FMNL2: variants seen among roughly 807,000 people sequenced by gnomAD.
FMNL2 encodes the protein formin-like protein 2.
A neutral mutation model predicts 130.2 loss-of-function variants in FMNL2; 51 were observed. The observed-to-expected ratio is 0.39, with a 90% CI of 0.31 to 0.49. The LOEUF (loss-of-function observed/expected upper bound fraction) is 0.49, where lower values mean the gene tolerates loss of function less well. Among genes scored for constraint, FMNL2 ranks in the 20% least tolerant of loss-of-function variants. FMNL2 has a pLI of 0.85. For synonymous variants in FMNL2, 465 were observed against 467.1 expected (o/e 1.00, Z 0.06); for missense variants, 977 against 1,316.2 (o/e 0.74, Z 3.99).
intron 9 of FMNL2, among the ~76,000 whole-genome samples, chr2:152,582,448 A>G (rs1047671555): frequency 2.0e-5 from 3 of 152,146 alleles, no homozygotes; most frequent in African/African-American, 7.2e-5. Context: ...AGATTTTGAT[A>G]TTATCCATTT....
intron 9 of FMNL2, among the ~76,000 whole-genome samples, chr2:152,591,063 G>T (rs969545625): frequency 9.8e-5 from 13 of 131,998 alleles, no homozygotes; most frequent in African/African-American, 3.8e-4. Flanking sequence ...AGGCTGGGGT[G>T]CAGTGGCGCG....
intron 1 of FMNL2, among the ~76,000 whole-genome samples, chr2:152,450,793 A>T (rs139322431): frequency 2.0e-5 from 3 of 152,270 alleles, no homozygotes; most frequent in African/African-American, 7.2e-5. Context: ...AAAAGCTCAT[A>T]GCCTCTTACC....
chr2:152,402,725 G>A (rs1336287868), intron 1 of FMNL2, among the ~76,000 whole-genome samples: 3 of 152,072 alleles, frequency 2.0e-5, no homozygotes, highest in African/African-American at 4.8e-5. Context: ...GGAAAAATGA[G>A]GCTATAATAC....
rs1375190658 is a variant in FMNL2, at chr2:152,592,192, T to C, written c.876+11143T>C. 1.1e-4 allele frequency among the ~76,000 whole-genome samples: 16 copies of C among 152,348 alleles called. No homozygotes were observed. In the South Asian group the frequency reaches 3.1e-3, roughly 30 times the overall value. On this transcript the variant is annotated intron_variant, in intron 9 of 25. Coordinates refer to ENST00000288670, the MANE Select transcript of FMNL2 (RefSeq NM_052905.4). ...AGGACTGACTTTAATAGGTATTTAG[T>C]TGAGGACCAAATATACACTAAGGTC... is the stretch of plus-strand genomic sequence containing the variant.
intron 4 of FMNL2, among the ~76,000 whole-genome samples, chr2:152,556,042 T>A (rs1380323183): frequency 2.6e-5 from 4 of 152,222 alleles, no homozygotes; most frequent in Non-Finnish European, 4.4e-5. Context: ...TTCCTTACTC[T>A]TATATTTCTG....
intron 1 of FMNL2, among the ~76,000 whole-genome samples, chr2:152,342,302 C>T (rs2105735155): frequency 6.6e-6 from 1 of 152,296 alleles, no homozygotes; most frequent in East Asian, 1.9e-4. Flanking sequence ...AGATGATTGC[C>T]CCTCCTTTGC....
In FMNL2 at chr2:152,542,843, T is replaced by G. The variant is rs1553473970; in HGVS notation, c.282+24T>G. 6 of 1,610,030 alleles carry G rather than the reference T, an allele frequency of 3.7e-6. No individual in the cohort carries two copies. The Admixed American group carries it at 8.3e-5, about 22-fold the overall frequency. The stretch of plus-strand genomic sequence containing the variant: ...AGGTAAGATGGATTTGTTTCCACTC[T>G]TTGTTATTGCTTCCTTATTAGCGAG... On this transcript the variant is annotated intron_variant, in intron 3 of 25. Transcript: ENST00000288670.
intron 1 of FMNL2, among the ~76,000 whole-genome samples, chr2:152,453,121 G>A (rs1688738945): frequency 6.7e-6 from 1 of 150,302 alleles, no homozygotes; most frequent in Admixed American, 6.6e-5. Flanking sequence ...AGAATCACTT[G>A]AACCCTGGAG....
Position 152,649,808 on chromosome 2 carries a change from T to C in FMNL2, c.*1903T>C, listed in dbSNP as rs1487987841. ...CTTTTCATGGCATATGAGCAAATAA[T>C]AAACTATTTACACTACTATTCTGTA... On this transcript the variant is annotated 3_prime_UTR_variant, in exon 26 of 26. Coordinates refer to ENST00000288670, the MANE Select transcript of FMNL2 (RefSeq NM_052905.4). The C allele has an allele frequency of 1.3e-5, 2 of 152,676 alleles. No homozygotes were observed. Among genetic ancestry groups the C allele is most frequent in the African/African-American group, 4.8e-5 (2 of 41,462 alleles). 9.5% of individuals were successfully genotyped at this position (152,676 alleles called of 1,614,324 possible).
intron 1 of FMNL2, among the ~76,000 whole-genome samples, chr2:152,464,145 C>T (rs184747894): frequency 1.3e-5 from 2 of 152,204 alleles, no homozygotes; most frequent in Admixed American, 1.3e-4. Context: ...GGTTTCACCA[C>T]GTTGACCAAT....
At chr2:152,573,444 C>A (rs1696293905) in intron 6 of FMNL2, among the ~76,000 whole-genome samples, 1 of 152,178 alleles carries the variant, frequency 6.6e-6, no homozygotes, top group African/African-American at 2.4e-5. Context: ...TGGAAAGTGA[C>A]TGTCCTAAAT....
intron 1 of FMNL2, among the ~76,000 whole-genome samples, chr2:152,497,466 G>T (rs1003833548): frequency 2.1e-4 from 32 of 151,900 alleles, no homozygotes; most frequent in Admixed American, 2.1e-3. Context: ...TTATTTTTAG[G>T]TGATGTCAAA....
At chr2:152,506,157 T>C (rs1420933714) in intron 1 of FMNL2, among the ~76,000 whole-genome samples, 1 of 152,212 alleles carries the variant, frequency 6.6e-6, no homozygotes, top group African/African-American at 2.4e-5. Flanking sequence ...ATGATAAAAA[T>C]TTCTTTAGTT....
At chr2:152,402,190 C>T (rs1351869223) in intron 1 of FMNL2, among the ~76,000 whole-genome samples, 7 of 152,176 alleles carry the variant, frequency 4.6e-5, no homozygotes, top group African/African-American at 1.7e-4. Flanking sequence ...GCGTGAGCCA[C>T]TACGCCCGGC....
intron 12 of FMNL2, among the ~76,000 whole-genome samples, chr2:152,615,639 G>C (rs1698908689): frequency 6.6e-6 from 1 of 152,098 alleles, no homozygotes; most frequent in South Asian, 2.1e-4. Context: ...AGGGCCTTTA[G>C]AGATTATTTG....
chr2:152,344,972 A>T (rs866518618), intron 1 of FMNL2, among the ~76,000 whole-genome samples: 22 of 152,128 alleles, frequency 1.4e-4, no homozygotes, highest in African/African-American at 5.3e-4. Flanking sequence ...TCAATGCAAG[A>T]CTCTAGTTAT....
chr2:152,557,651 A>T (rs1332892659), intron 4 of FMNL2, among the ~76,000 whole-genome samples: 1 of 152,262 alleles, frequency 6.6e-6, no homozygotes, highest in Non-Finnish European at 1.5e-5. Flanking sequence ...CTTTTAAGAC[A>T]AAGACCTCAA....
chr2:152,620,080 C>T (rs1041633012), intron 15 of FMNL2, among the ~76,000 whole-genome samples: 39 of 151,538 alleles, frequency 2.6e-4, no homozygotes, highest in African/African-American at 8.7e-4. Context: ...ATTCAAAGCT[C>T]AGTATTAGGC....
At chr2:152,499,144 G>T (rs527711899) in intron 1 of FMNL2, among the ~76,000 whole-genome samples, 8 of 152,306 alleles carry the variant, frequency 5.3e-5, no homozygotes, top group African/African-American at 1.4e-4. Context: ...AAGCCTGATT[G>T]GGGAGTCAAA....
Sources: allele counts gnomAD v4.1 joint callset (sites outside exome capture counted in the v4.1 genomes callset), GRCh38; gene constraint gnomAD v4.1.1; transcripts MANE v1.5; gene names NCBI Gene and HGNC (gene_info 2026-07-23, HGNC 2026-07-21).